Variants in FAM118B observed in about 807,000 individuals in gnomAD.
FAM118B encodes SIR2 antiphage like 1.
FAM118B carries 24 observed loss-of-function variants against 38.5 expected under a neutral mutation model. The observed-to-expected ratio is 0.62, with a 90% CI of 0.45 to 0.88. The LOEUF is 0.88. FAM118B is among the 40% of genes least tolerant of loss of function. The pLI is 0.00. For synonymous variants in FAM118B, 138 were observed against 156.3 expected, an observed-to-expected ratio of 0.88 and a Z score of 0.87; for missense variants, 334 against 420.0, an observed-to-expected ratio of 0.80 and a Z score of 1.79.
intron 4 of FAM118B, 67 bp downstream of exon 4, chr11:126,241,111 A>G: frequency 6.8e-7 from 1 of 1,473,758 alleles, no homozygotes; most frequent in Non-Finnish European, 9.1e-7. Context: ...AACTAGCATG[A>G]TTTGGCTGTC....
At chr11:126,218,759 T>C (rs1565324262) in intron 1 of FAM118B, among the ~76,000 whole-genome samples, 1 of 152,212 alleles carries the variant, frequency 6.6e-6, no homozygotes, top group African/African-American at 2.4e-5. Context: ...ATGGATTTTG[T>C]GTGTATGTTT....
chr11:126,251,605 A>G (rs1950504866), intron 5 of FAM118B, among the ~76,000 whole-genome samples: 1 of 152,184 alleles, frequency 6.6e-6, no homozygotes, highest in Admixed American at 6.5e-5. Flanking sequence ...TTCTTCATTT[A>G]TAACTCTCAA....
At chr11:126,228,986 T>C (rs1950176808) in intron 1 of FAM118B, among the ~76,000 whole-genome samples, 1 of 152,238 alleles carries the variant, frequency 6.6e-6, no homozygotes. Flanking sequence ...AGTAAGCTAC[T>C]GAGGGTTATT....
chr11:126,233,509 C>A, intron 2 of FAM118B: 2 of 253,410 alleles, frequency 7.9e-6, no homozygotes, highest in South Asian at 3.9e-5. Context: ...AACAAAAAAC[C>A]CAGAAAAACC....
chr11:126,237,003 G>C (rs1950283027), intron 3 of FAM118B, among the ~76,000 whole-genome samples: 1 of 139,968 alleles, frequency 7.1e-6, no homozygotes, highest in Non-Finnish European at 1.5e-5. Flanking sequence ...TGCAAGCTCT[G>C]CCTCCCGGGT....
intron 1 of FAM118B, among the ~76,000 whole-genome samples, chr11:126,218,104 T>C (rs934359683): frequency 6.6e-5 from 10 of 152,256 alleles, no homozygotes; most frequent in African/African-American, 2.2e-4. Flanking sequence ...TGTTTTCTTG[T>C]ACTATTTCTG....
chr11:126,248,963 G>C (rs2135194947), intron 4 of FAM118B, among the ~76,000 whole-genome samples: 1 of 152,318 alleles, frequency 6.6e-6, no homozygotes, highest in East Asian at 1.9e-4. Flanking sequence ...TGTCTTTTCA[G>C]TTGTAAAGCC....
At chr11:126,214,956 T>A (rs1404722372) in intron 1 of FAM118B, among the ~76,000 whole-genome samples, 2 of 152,226 alleles carry the variant, frequency 1.3e-5, no homozygotes, top group Non-Finnish European at 2.9e-5. Flanking sequence ...CAAACTGTGA[T>A]TTGCTAGTTG....
intron 1 of FAM118B, chr11:126,214,550 G>C (rs1446566674): frequency 2.1e-5 from 2 of 95,754 alleles, no homozygotes; most frequent in Non-Finnish European, 3.8e-5. Flanking sequence ...CCTCCTCCCT[G>C]TTCCTCATTC....
chr11:126,217,904 A>G (rs1032660105), intron 1 of FAM118B, among the ~76,000 whole-genome samples: 8 of 152,120 alleles, frequency 5.3e-5, no homozygotes, highest in African/African-American at 1.9e-4. Context: ...GGTGATTTAA[A>G]TCCTTCTTAC....
intron 7 of FAM118B, among the ~76,000 whole-genome samples, chr11:126,257,444 C>G (rs1431564598): frequency 6.6e-6 from 1 of 151,838 alleles, no homozygotes; most frequent in Non-Finnish European, 1.5e-5. Flanking sequence ...GGTGGAGATT[C>G]TACAGATATG....
At chr11:126,226,677 G>A (rs1192521367) in intron 1 of FAM118B, among the ~76,000 whole-genome samples, 1 of 152,158 alleles carries the variant, frequency 6.6e-6, no homozygotes, top group African/African-American at 2.4e-5. Context: ...TTTTAAATAG[G>A]AAGGTCAAGA....
At chr11:126,212,110 G>C (rs1949888932) in intron 1 of FAM118B, among the ~76,000 whole-genome samples, 1 of 152,190 alleles carries the variant, frequency 6.6e-6, no homozygotes, top group South Asian at 2.1e-4. Flanking sequence ...GGACGCGTCG[G>C]GGACCCTCTT....
At position 126,254,358 on chromosome 11, in the gene FAM118B, A is replaced by T. The variant is rs771327706; in HGVS notation, c.621A>T (p.Gly207=). The change falls in exon 6 of 9, where the codon GGA becomes GGT. Residue 207 remains glycine, a synonymous_variant. Transcript: ENST00000533050. Reference sequence around the variant, plus strand: ...AGCTGAGCGTGTTGCATATTCACGGAGTCTACACCAACCCTAGTGGCATTG... The same window carrying T: ...AGCTGAGCGTGTTGCATATTCACGGTGTCTACACCAACCCTAGTGGCATTG... The part of the protein sequence containing the change: ...KRKLSVLHIH[G]VYTNPSGIVL... The T allele has an allele frequency of 6.2e-7, 1 of 1,613,802 alleles. No homozygotes were observed.
At chr11:126,261,190 A>G in intron 7 of FAM118B, 1 of 432,376 alleles carries the variant, frequency 2.3e-6, no homozygotes, top group South Asian at 3.7e-5. Context: ...TGTTTTGTCT[A>G]CAAGCAATCG....
intron 1 of FAM118B, among the ~76,000 whole-genome samples, chr11:126,215,963 A>G (rs555217066): frequency 1.3e-5 from 2 of 152,296 alleles, no homozygotes; most frequent in East Asian, 1.9e-4. Flanking sequence ...GCAGTGAACC[A>G]TGATTGCAGT....
At chr11:126,234,854 A>G (rs757510842) in intron 2 of FAM118B, 141 bp from the exon 3 acceptor site, 48 of 536,330 alleles carry the variant, frequency 8.9e-5, no homozygotes, top group Non-Finnish European at 1.4e-4. Context: ...TTCATTAATT[A>G]ACAAATTTCT....
At chr11:126,258,735 A>G (rs1469905874) in intron 7 of FAM118B, among the ~76,000 whole-genome samples, 1 of 152,218 alleles carries the variant, frequency 6.6e-6, no homozygotes, top group Admixed American at 6.5e-5. Flanking sequence ...ATACATATCC[A>G]AGTTCTACAT....
At chr11:126,260,135 C>T (rs1057156692) in intron 7 of FAM118B, among the ~76,000 whole-genome samples, 8 of 151,972 alleles carry the variant, frequency 5.3e-5, no homozygotes, top group South Asian at 2.1e-4. Flanking sequence ...CGGGCTCAGG[C>T]GATCCTCCCA....
Sources: allele counts gnomAD v4.1 joint callset (sites outside exome capture counted in the v4.1 genomes callset), GRCh38; gene constraint gnomAD v4.1.1; transcripts MANE v1.5; gene names NCBI Gene and HGNC (gene_info 2026-07-23, HGNC 2026-07-21).